ARMC2: variants seen among roughly 807,000 people sequenced by gnomAD.
ARMC2 encodes armadillo repeat-containing protein 2.
In ARMC2, 67 loss-of-function variants were observed where a neutral mutation model predicts 90.3. That is an observed-to-expected ratio of 0.74 (90% CI 0.61 to 0.91). The LOEUF is 0.91. ARMC2 is among the 40% of genes least tolerant of loss of function. ARMC2 has a pLI of 0.00. For synonymous variants in ARMC2, 393 were observed against 393.0 expected (o/e 1.00, Z 0.00); for missense variants, 920 against 1,030.9 (o/e 0.89, Z 1.47).
the ARMC2 span, chr6:109,009,284 G>C: frequency 7.6e-7 from 1 of 1,324,022 alleles, no homozygotes; most frequent in African/African-American, 1.5e-5. Flanking sequence ...TGACCTCCGT[G>C]TTGCACAGGG....
chr6:108,925,595 A>G (rs1775029839), intron 10 of ARMC2, among the ~76,000 whole-genome samples: 1 of 152,232 alleles, frequency 6.6e-6, no homozygotes, highest in South Asian at 2.1e-4. Flanking sequence ...CTTGTAGACC[A>G]TGGTCAGGGA....
In ARMC2 at chr6:108,928,234, G is replaced by C. The variant is rs1334218469; in HGVS notation, c.1496+1G>C. The C allele has an allele frequency of 1.3e-6, 2 of 1,502,976 alleles. No individual in the cohort carries two copies. The highest frequency in any genetic ancestry group is 2.8e-5 in the South Asian group (2 of 71,824). The allele number at this position is 1,502,976 out of a possible 1,614,324, so 93.1% of individuals were successfully genotyped here. A position where few individuals can be genotyped will look rare whatever the true frequency, so the allele number is the denominator to read the frequency against. ...GTACCAATATTGCCAGAATATTCAG[G>C]TAGGTAGACTAAGACGTGAAGTAGC... On this transcript the variant is annotated splice_donor_variant, in intron 11 of 17. Coordinates refer to ENST00000392644, the MANE Select transcript of ARMC2 (RefSeq NM_032131.6). LOFTEE classifies it high-confidence loss of function.
the ARMC2 span, among the ~76,000 whole-genome samples, chr6:109,022,170 C>T: frequency 4.6e-5 from 7 of 151,982 alleles, no homozygotes; most frequent in South Asian, 2.1e-4. Context: ...TTACTCCTAA[C>T]GGGGCACCTG....
chr6:108,971,988 G>T (rs554214821), intron 17 of ARMC2, among the ~76,000 whole-genome samples: 1 of 152,020 alleles, frequency 6.6e-6, no homozygotes, highest in African/African-American at 2.4e-5. Flanking sequence ...GGATTTAGTG[G>T]TTACCATTTT....
At chr6:109,018,375 G>C in the ARMC2 span, among the ~76,000 whole-genome samples, 2 of 152,208 alleles carry the variant, frequency 1.3e-5, no homozygotes, top group Non-Finnish European at 2.9e-5. Context: ...TCAGTGATTA[G>C]GAGGGGTATA....
chr6:108,907,955 A>G (rs994085409), intron 8 of ARMC2: 132 of 1,179,788 alleles, frequency 1.1e-4, no homozygotes, highest in Non-Finnish European at 1.5e-4. Flanking sequence ...ATTATTTTAA[A>G]TACCTAATCA....
the ARMC2 span, among the ~76,000 whole-genome samples, chr6:109,039,691 G>A: frequency 7.9e-5 from 12 of 152,340 alleles, no homozygotes; most frequent in African/African-American, 2.9e-4. Flanking sequence ...CCCAAATGGC[G>A]AAATGAGTTA....
chr6:109,011,050 G>A, the ARMC2 span, among the ~76,000 whole-genome samples: 1 of 152,200 alleles, frequency 6.6e-6, no homozygotes, highest in Non-Finnish European at 1.5e-5. Context: ...GTTGAGGTAT[G>A]ATTTTATTTC....
At chr6:108,871,273 A>G (rs1437807507) in intron 4 of ARMC2, among the ~76,000 whole-genome samples, 3 of 152,112 alleles carry the variant, frequency 2.0e-5, no homozygotes, top group Admixed American at 6.5e-5. Context: ...ACTTGTAGTG[A>G]AAAGATAGGG....
chr6:108,882,710 A>G (rs1777717810), intron 5 of ARMC2, among the ~76,000 whole-genome samples: 1 of 152,222 alleles, frequency 6.6e-6, no homozygotes, highest in African/African-American at 2.4e-5. Context: ...ATAGATATGG[A>G]AGAATGAAAC....
chr6:108,890,193 A>G (rs1420757999), intron 5 of ARMC2, among the ~76,000 whole-genome samples: 4 of 12,264 alleles, frequency 3.3e-4, no homozygotes, highest in Admixed American at 9.8e-4. Context: ...CCGTCTCAAA[A>G]AAAAAAAAAA....
intron 5 of ARMC2, among the ~76,000 whole-genome samples, chr6:108,892,451 A>G (rs141252586): frequency 0.021 from 3,194 of 152,042 alleles, 136 homozygotes; most frequent in Admixed American, 0.11. Flanking sequence ...AGGAAGTGTT[A>G]AGTGTTTAAA....
At chr6:108,974,854 C>CA (rs1371421118), downstream of ARMC2, among the ~76,000 whole-genome samples, 1 of 152,110 alleles carries the variant, frequency 6.6e-6, no homozygotes, top group Non-Finnish European at 1.5e-5. Context: ...GCGGGCATAT[C>CA]ACCTGAGGTC....
In ARMC2 at chr6:108,965,142, T is replaced by C; in HGVS notation, c.2446+2T>C. Reference sequence around the variant, plus strand: ...TACTCTTGCTCTCATCATTTTTAGGTAAGACTCTTGACTATGATGAGTCTG... The same window carrying C: ...TACTCTTGCTCTCATCATTTTTAGGCAAGACTCTTGACTATGATGAGTCTG... On this transcript the variant is annotated splice_donor_variant, in intron 17 of 17. Transcript: ENST00000392644. LOFTEE classifies it high-confidence loss of function. 1 of 1,600,294 alleles carries C rather than the reference T, an allele frequency of 6.2e-7. No individual in the cohort carries two copies. The highest frequency in any genetic ancestry group is 1.1e-5 in the South Asian group (1 of 90,608).
At chr6:108,994,387 A>T in the ARMC2 span, 1 of 1,269,092 alleles carries the variant, frequency 7.9e-7, no homozygotes, top group Non-Finnish European at 1.1e-6. Context: ...TTGATGCTTT[A>T]AAAGTTATTT....
intron 6 of ARMC2, among the ~76,000 whole-genome samples, chr6:108,898,354 G>A (rs575324773): frequency 4.6e-5 from 7 of 151,914 alleles, no homozygotes; most frequent in Non-Finnish European, 1.0e-4. Flanking sequence ...ACATTTTTAG[G>A]GTCCAGGCAT....
chr6:108,882,451 A>G (rs1055322803), intron 5 of ARMC2, among the ~76,000 whole-genome samples: 3 of 151,966 alleles, frequency 2.0e-5, no homozygotes, highest in African/African-American at 7.2e-5. Context: ...AAAAAAAAAA[A>G]AAGGAAAAAA....
chr6:108,849,071 T>C (rs1194170981), intron 1 of ARMC2, among the ~76,000 whole-genome samples: 1 of 152,156 alleles, frequency 6.6e-6, no homozygotes, highest in Non-Finnish European at 1.5e-5. Flanking sequence ...GCCAGAGTCA[T>C]ACAGTTTATA....
chr6:108,939,302 A>G (rs1289905875), intron 12 of ARMC2, among the ~76,000 whole-genome samples: 3 of 152,198 alleles, frequency 2.0e-5, no homozygotes, highest in Non-Finnish European at 4.4e-5. Flanking sequence ...GTCCCAGCCT[A>G]AATCTCCTGT....
Sources: gnomAD v4.1 joint callset for allele counts (sites outside exome capture counted in the v4.1 genomes callset) on GRCh38, gnomAD v4.1.1 for gene constraint, MANE v1.5 for transcripts, NCBI Gene and HGNC (gene_info 2026-07-23, HGNC 2026-07-21) for gene names.